The following ZCCHC2 variants were observed in gnomAD, a reference collection of about 807,000 sequenced individuals.
ZCCHC2 encodes the protein zinc finger CCHC-type containing 2.
A neutral mutation model predicts 103.6 loss-of-function variants in ZCCHC2; 39 were observed. That is an observed-to-expected ratio of 0.38 (90% CI 0.29 to 0.49). The LOEUF (loss-of-function observed/expected upper bound fraction) is 0.49, where lower values mean the gene tolerates loss of function less well. Ranked by LOEUF, ZCCHC2 falls within the 20% of genes least tolerant of loss-of-function variation. The pLI is 0.96. For synonymous variants in ZCCHC2, 687 were observed against 608.9 expected (o/e 1.13, Z -1.89); for missense variants, 1,483 against 1,491.0 (o/e 0.99, Z 0.09).
Position 62,539,904 on chromosome 18 carries a change from C to G in ZCCHC2, c.1051+112C>G, listed in dbSNP as rs145243570. 6.4e-4 allele frequency: 526 copies of G among 822,260 alleles called. 5 individuals carry two copies. The African/African-American group carries it at 7.4e-3, about 12-fold the overall frequency. 50.9% of individuals were successfully genotyped at this position (822,260 alleles called of 1,614,324 possible). On this transcript the variant is annotated intron_variant, in intron 2 of 13. Transcript: ENST00000269499. The stretch of plus-strand genomic sequence containing the variant: ...ACTCTCCTTTTTGAAGTGGAGAAGT[C>G]CTACTGGTCCTAGGCTTCACTCAAG...
Position 62,574,541 on chromosome 18 carries a change from A to C in ZCCHC2, c.2460A>C (p.Pro820=), listed in dbSNP as rs771865792. 1 of 1,613,976 alleles carries C rather than the reference A, an allele frequency of 6.2e-7. No homozygotes were observed. The highest frequency in any genetic ancestry group is 8.5e-7 in the Non-Finnish European group (1 of 1,179,890). The change falls in exon 13 of 14, where the codon CCA becomes CCC. Residue 820 remains proline (P), a synonymous_variant. Transcript: ENST00000269499. The stretch of plus-strand genomic sequence containing the variant: ...TTCAGAGGCTAAAGTTGCCACCACC[A>C]CAGGGATCTTCTGAGAGCTGCACAG... ...LTVQRLKLPP[P]QGSSESCTVN...
At chr18:62,538,309 T>G (rs17070072) in intron 1 of ZCCHC2, among the ~76,000 whole-genome samples, 90,486 of 150,348 alleles carry the variant, frequency 0.6, 27,783 homozygotes, top group East Asian at 0.71. Flanking sequence ...CACCCAAGCT[T>G]CTTCCAGTTA....
Position 62,565,015 on chromosome 18 carries a change from A to G in ZCCHC2, c.1765A>G (p.Lys589Glu), listed in dbSNP as rs61740184. The G allele has an allele frequency of 7.4e-3, 11,905 of 1,612,860 alleles. 54 individuals are homozygous for G. Among genetic ancestry groups the G allele is most frequent in the Non-Finnish European group, 9.2e-3 (10,860 of 1,178,974 alleles). Residue 589 changes from lysine (K) to glutamate (E), a missense_variant, in exon 11 of 14, where the codon AAA becomes GAA. By Grantham distance (56) the Lys-to-Glu change is moderately conservative (BLOSUM62 1). This residue lies in a region of ZCCHC2 where 884 missense variants were observed against 907.5 expected (regional missense o/e 0.97). Coordinates refer to ENST00000269499, the MANE Select transcript of ZCCHC2 (RefSeq NM_017742.6). ...KPQTEKEKIKKTDNRLNSRIN... is the reference protein window; with the variant it reads ...KPQTEKEKIKETDNRLNSRIN... ...CATTTGGTTTAGGGAGAAAATTAAG[A>G]AAACTGACAACAGATTGAATAGTAG...
At chr18:62,568,473 A>G (rs1049840266) in intron 11 of ZCCHC2, among the ~76,000 whole-genome samples, 1 of 152,214 alleles carries the variant, frequency 6.6e-6, no homozygotes, top group Non-Finnish European at 1.5e-5. Context: ...TTACGTTAGT[A>G]TAGATTTAGA....
chr18:62,548,873 C>T (rs1043464396), intron 4 of ZCCHC2, among the ~76,000 whole-genome samples: 1 of 151,642 alleles, frequency 6.6e-6, no homozygotes, highest in Non-Finnish European at 1.5e-5. Flanking sequence ...TGCAGTGAGC[C>T]GAGATCATGC....
chr18:62,540,909 T>C (rs978303184), intron 2 of ZCCHC2, among the ~76,000 whole-genome samples: 4 of 152,158 alleles, frequency 2.6e-5, no homozygotes, highest in Non-Finnish European at 4.4e-5. Context: ...AGACAGAACT[T>C]GAAATTATCA....
At chr18:62,563,316 A>T (rs558175704) in intron 9 of ZCCHC2, among the ~76,000 whole-genome samples, 172 bp downstream of exon 9, 1 of 152,208 alleles carries the variant, frequency 6.6e-6, no homozygotes, top group African/African-American at 2.4e-5. Context: ...GAGACCTGAA[A>T]ATGTGTATTT....
rs964674196 is a variant in ZCCHC2 at position 62,578,285 on chromosome 18, A to T, written c.*1706A>T. ...TTTGATCTGGGTATTTTTGGACCACATTATTAAATTAATTGTTAAGCTGCA... is the reference window on the plus strand; with the variant it reads ...TTTGATCTGGGTATTTTTGGACCACTTTATTAAATTAATTGTTAAGCTGCA... On this transcript the variant is annotated 3_prime_UTR_variant, in exon 14 of 14. Transcript: ENST00000269499. The T allele has an allele frequency of 7.9e-5, 12 of 152,614 alleles. No individual in the cohort carries two copies. Among genetic ancestry groups the T allele is most frequent in the African/African-American group, 2.9e-4 (12 of 41,448 alleles). The allele number at this position is 152,614 out of a possible 1,614,324, so 9.5% of individuals were successfully genotyped here. A position where few individuals can be genotyped will look rare whatever the true frequency, so the allele number is the denominator to read the frequency against.
At position 62,571,473 on chromosome 18, in the gene ZCCHC2, G is replaced by A. The variant is rs117411754; in HGVS notation, c.1975+1242G>A. Among the ~76,000 whole-genome samples, 981 of 152,330 alleles carry A rather than the reference G, an allele frequency of 6.4e-3. 4 individuals are homozygous for A. The highest frequency in any genetic ancestry group is 9.6e-3 in the Non-Finnish European group (655 of 68,026). ...TTGAATAAACACTCGTCAGAGTGCTGTAAGCCTTTAGTTAATTTCCAGAAT... is the reference window on the plus strand; with the variant it reads ...TTGAATAAACACTCGTCAGAGTGCTATAAGCCTTTAGTTAATTTCCAGAAT... On this transcript the variant is annotated intron_variant, in intron 12 of 13. Coordinates refer to ENST00000269499, the MANE Select transcript of ZCCHC2 (RefSeq NM_017742.6).
intron 7 of ZCCHC2, among the ~76,000 whole-genome samples, chr18:62,559,253 A>G (rs1916019079): frequency 6.6e-6 from 1 of 152,254 alleles, no homozygotes; most frequent in South Asian, 2.1e-4. Context: ...TGGTGTTTGC[A>G]AGATATTTAC....
intron 12 of ZCCHC2, among the ~76,000 whole-genome samples, chr18:62,573,787 CTT>C (rs1279303505): frequency 6.6e-6 from 1 of 152,126 alleles, no homozygotes; most frequent in African/African-American, 2.4e-5. Context: ...ACATAAATCT[CTT>C]TGTTTTATAC....
At chr18:62,545,137 G>A (rs536285576) in intron 4 of ZCCHC2, among the ~76,000 whole-genome samples, 154 of 152,218 alleles carry the variant, frequency 1.0e-3, no homozygotes, top group African/African-American at 3.6e-3. Context: ...TGTGATCCCA[G>A]CACTTTGGGA....
chr18:62,545,169 T>A (rs1915358779), intron 4 of ZCCHC2, among the ~76,000 whole-genome samples: 1 of 152,052 alleles, frequency 6.6e-6, no homozygotes, highest in Non-Finnish European at 1.5e-5. Flanking sequence ...GAGGATCATG[T>A]GAGGCAGGAT....
chr18:62,523,847 C>G lies in ZCCHC2; in HGVS notation c.423C>G (p.Asp141Glu). ...GSCLEDLARKDYHYLRDSEAK... is the reference protein window; with the variant it reads ...GSCLEDLARKEYHYLRDSEAK... ...GCCTGGAGGACCTGGCGCGCAAGGA[C>G]TACCACTACCTGCGCGACTCGGAGG... The change falls in exon 1 of 14, where the codon GAC (aspartate) becomes GAG (glutamate). Residue 141 changes from aspartate to glutamate, a missense_variant. By Grantham distance (45) the Asp-to-Glu change is conservative. Transcript: ENST00000269499. 6.5e-7 allele frequency: 1 copy of G among 1,545,044 alleles called. No homozygotes were observed. The highest frequency in any genetic ancestry group is 8.7e-7 in the Non-Finnish European group (1 of 1,146,324).
chr18:62,572,962 C>T (rs1916650930), intron 12 of ZCCHC2, among the ~76,000 whole-genome samples: 1 of 152,100 alleles, frequency 6.6e-6, no homozygotes, highest in Admixed American at 6.5e-5. Context: ...ACCATTCACT[C>T]TTTGAGTTTC....
intron 8 of ZCCHC2, among the ~76,000 whole-genome samples, chr18:62,560,950 A>G (rs1916090436): frequency 6.6e-6 from 1 of 152,116 alleles, no homozygotes; most frequent in Non-Finnish European, 1.5e-5. Flanking sequence ...TTAAAGTTGG[A>G]TATTTGTGCT....
intron 11 of ZCCHC2, among the ~76,000 whole-genome samples, chr18:62,565,566 T>C (rs922231576): frequency 3.3e-5 from 5 of 152,226 alleles, no homozygotes; most frequent in African/African-American, 7.2e-5. Context: ...ATTTTTGTTA[T>C]ACTAGATGGC....
chr18:62,575,465 T>C lies in ZCCHC2; in HGVS notation c.3384T>C (p.Asn1128=), dbSNP rs1190521648. The change falls in exon 13 of 14, where the codon AAT becomes AAC. Residue 1128 remains asparagine (N), a synonymous_variant. Transcript: ENST00000269499. ...CCAGTGGTTCGGGGCCCAAGAAGAA[T>C]GGGAATGTCTCATGTTACAATTGTG... ...ANTSGSGPKK[N]GNVSCYNCGV... is the part of the protein sequence containing the mutation. 1.2e-6 allele frequency: 2 copies of C among 1,614,002 alleles called. No individual in the cohort carries two copies. Among genetic ancestry groups the C allele is most frequent in the East Asian group, 2.2e-5 (1 of 44,880 alleles).
chr18:62,524,135 C>T lies in ZCCHC2; in HGVS notation c.711C>T (p.Gly237=). The T allele has an allele frequency of 6.5e-7, 1 of 1,542,116 alleles. No homozygotes were observed. The highest frequency in any genetic ancestry group is 8.7e-7 in the Non-Finnish European group (1 of 1,145,446). Residue 237 remains glycine (G), a synonymous_variant, in exon 1 of 14, where the codon GGC becomes GGT. Transcript: ENST00000269499. ...GEQDAEKDGS[G]PEGGIVEPRV... is the part of the protein sequence containing the mutation. ...AGGACGCCGAGAAGGACGGCTCAGG[C>T]CCGGAAGGCGGCATTGTGGAGCCCC...
Sources: allele counts gnomAD v4.1 joint callset (sites outside exome capture counted in the v4.1 genomes callset), GRCh38; gene constraint gnomAD v4.1.1; regional missense constraint gnomAD v4.1.1; transcripts MANE v1.5; gene names NCBI Gene and HGNC (gene_info 2026-07-23, HGNC 2026-07-21).